Variants in CDCP2 observed in about 807,000 individuals in gnomAD.
CDCP2 encodes the protein CUB domain containing protein 2.
In CDCP2, 31 loss-of-function variants were observed where a neutral mutation model predicts 31.0. The observed-to-expected ratio is 1.00, with a 90% CI of 0.75 to 1.35. The LOEUF is 1.35. CDCP2 is among the 40% of genes most tolerant of loss of function. The probability of loss-of-function intolerance (pLI) is 0.00; values close to 1 mark genes in which losing one functional copy is unlikely to be tolerated. For synonymous variants in CDCP2, 206 were observed against 207.9 expected (o/e 0.99, Z 0.08); for missense variants, 443 against 482.6 (o/e 0.92, Z 0.77).
Position 54,140,025 on chromosome 1 carries a change from C to T in CDCP2, c.845G>A (p.Arg282His), listed in dbSNP as rs147725209. The T allele has an allele frequency of 8.0e-4, 1,291 of 1,613,824 alleles. 2 individuals are homozygous for T. The highest frequency in any genetic ancestry group is 2.3e-3 in the Middle Eastern group (14 of 6,060). Residue 282 changes from arginine to histidine, a missense_variant, in exon 4 of 6, where the codon CGC becomes CAC. Transcript: ENST00000530059. ...GGGCAGGCGGATGGTCCAGTGGCAG[C>T]GGATGTTGTTGGGGTAGGAGCTGGG...
In CDCP2 at chr1:54,139,645, T is replaced by TA. The variant is rs76608277; in HGVS notation, c.1117+107_1117+108insT. The TA allele has an allele frequency of 3.3e-6, 5 of 1,533,738 alleles. No homozygotes were observed. The East Asian group carries it at 6.9e-5, about 21-fold the overall frequency. ...AGAAGGAGCTGGAGAAGACCATTCA[T>TA]GGGGGGGGCAGGACAAACTGGTGGG... On this transcript the variant is annotated intron_variant, in intron 4 of 5. Transcript: ENST00000530059.
chr1:54,143,488 T>A (rs1315800759), intron 2 of CDCP2: 1 of 152,200 alleles, frequency 6.6e-6, no homozygotes, highest in Non-Finnish European at 1.5e-5. Flanking sequence ...GTATTCCTGT[T>A]TTTAAAAATG....
exon 4 of CDCP2, chr1:54,139,909 C>T (rs1659332554): frequency 6.2e-7 from 1 of 1,614,156 alleles, no homozygotes; most frequent in African/African-American, 1.3e-5. Context: ...CCATCGAAGG[C>T]CGCCAGATGG....
intron 2 of CDCP2, chr1:54,142,269 G>A (rs1659387925): frequency 6.6e-6 from 1 of 152,272 alleles, no homozygotes; most frequent in African/African-American, 2.4e-5. Context: ...CCTAATGGAT[G>A]AGGAAACCAA....
chr1:54,145,726 A>G (rs1344681731), intron 1 of CDCP2, among the ~76,000 whole-genome samples: 1 of 152,240 alleles, frequency 6.6e-6, no homozygotes, highest in Non-Finnish European at 1.5e-5. Flanking sequence ...AAGGAAACTA[A>G]TAAGAATAAT....
chr1:54,146,439 C>G (rs899199866), intron 1 of CDCP2, among the ~76,000 whole-genome samples: 1 of 151,758 alleles, frequency 6.6e-6, no homozygotes, highest in Non-Finnish European at 1.5e-5. Flanking sequence ...CTTGGCCTCC[C>G]GAAGTGCTGG....
chr1:54,139,720 C>T (rs756563107), intron 4 of CDCP2, 33 bp downstream of exon 4: 5 of 1,614,186 alleles, frequency 3.1e-6, no homozygotes, highest in Non-Finnish European at 4.2e-6. Flanking sequence ...TCCCCTTCGC[C>T]CTCAGTGGAC....
chr1:54,141,445 C>G lies in CDCP2; in HGVS notation c.428-12G>C, dbSNP rs769846152. On this transcript the variant is annotated splice_polypyrimidine_tract_variant and intron_variant, in intron 2 of 5. Transcript: ENST00000530059. ...GCCGCCACACACATCTGCAAGGGAG[C>G]CCACTTGAGCTGACCTTTCTTTCTC... 4 of 1,574,952 alleles carry G rather than the reference C, an allele frequency of 2.5e-6. No individual in the cohort carries two copies. The highest frequency in any genetic ancestry group is 3.4e-6 in the Non-Finnish European group (4 of 1,159,640).
rs1659194369 is a variant in CDCP2 at position 54,133,152 on chromosome 1, C to T, written c.1439G>A (p.Trp480Ter). The change falls in exon 6 of 6, where the codon TGG (tryptophan) becomes TAG (stop). Residue 480 changes from tryptophan to a stop codon, truncating the protein, a stop_gained. Coordinates refer to ENST00000530059, the Ensembl canonical transcript of CDCP2. LOFTEE classifies it high-confidence loss of function. The stretch of plus-strand genomic sequence containing the variant: ...CGCAGTGGCAGCATAGGGCCCCAGC[C>T]AGTGAGAGCCAGACAGCAGGTGGAC... 5 of 399,162 alleles carry T rather than the reference C, an allele frequency of 1.3e-5. No homozygotes were observed. Among genetic ancestry groups the T allele is most frequent in the Non-Finnish European group, 1.8e-5 (4 of 226,140 alleles). 24.7% of individuals were successfully genotyped at this position (399,162 alleles called of 1,614,324 possible). A position where few individuals can be genotyped will look rare whatever the true frequency, so the allele number is the denominator to read the frequency against.
rs541638967 is a variant in CDCP2 at position 54,139,794 on chromosome 1, C to T, written c.1076G>A (p.Arg359His). 30 of 1,614,196 alleles carry T rather than the reference C, an allele frequency of 1.9e-5. No homozygotes were observed. Among genetic ancestry groups the T allele is most frequent in the Middle Eastern group, 1.6e-4 (1 of 6,062 alleles). ...AGAGAAGCCCCTGCGGGTGGTGCTG[C>T]GGTCTGTGTGCAGCAGAAGCAGAAG... is the stretch of plus-strand genomic sequence containing the variant. Residue 359 changes from arginine (R) to histidine (H), a missense_variant, in exon 4 of 6, where the codon CGC becomes CAC. Arg to His is a conservative substitution (Grantham distance 29). Coordinates refer to ENST00000530059, the Ensembl canonical transcript of CDCP2.
chr1:54,152,811 C>T (rs373194385), intron 1 of CDCP2, 33 bp downstream of exon 1: 3 of 1,590,864 alleles, frequency 1.9e-6, no homozygotes, highest in East Asian at 2.3e-5. Flanking sequence ...CCTCCTTCCC[C>T]TCTCAGTTCA....
At chr1:54,139,848 G>A in exon 4 of CDCP2, 1 of 1,614,072 alleles carries the variant, frequency 6.2e-7, no homozygotes. Flanking sequence ...CACGGGTGGT[G>A]GCAGGTGGTG....
rs374903670 is a variant in CDCP2 at position 54,135,683 on chromosome 1, G to C, written c.1296+947C>G. 1.2e-4 allele frequency among the ~76,000 whole-genome samples: 19 copies of C among 152,268 alleles called. No homozygotes were observed. The East Asian group carries it at 3.7e-3, about 29-fold the overall frequency. ...GGAGACTTAGGGCATGGAATAGGGGGAGGGCAGAATACCTCGGCAGCCAGG... is the reference window on the plus strand; with the variant it reads ...GGAGACTTAGGGCATGGAATAGGGGCAGGGCAGAATACCTCGGCAGCCAGG... On this transcript the variant is annotated intron_variant, in intron 5 of 5. Transcript: ENST00000530059.
At chr1:54,133,433 C>T (rs1198829286) in intron 5 of CDCP2, 139 bp from the exon 6 acceptor site, 8 of 397,530 alleles carry the variant, frequency 2.0e-5, no homozygotes, top group Non-Finnish European at 3.1e-5. Flanking sequence ...CCTCAGTGAT[C>T]CCATCTGTAA....
At chr1:54,132,773 T>C (rs1296496535), downstream of CDCP2, 12 of 396,310 alleles carry the variant, frequency 3.0e-5, no homozygotes, top group Middle Eastern at 6.2e-4. Flanking sequence ...CTCTTATCCA[T>C]CTCTGCCCGC....
upstream of CDCP2, chr1:54,152,969 G>T: frequency 6.4e-7 from 1 of 1,570,792 alleles, no homozygotes; most frequent in African/African-American, 1.3e-5. Flanking sequence ...AGGTAGGCCA[G>T]GATCTCAGGG....
At chr1:54,147,008 A>T (rs992563413) in intron 1 of CDCP2, among the ~76,000 whole-genome samples, 8 of 132,712 alleles carry the variant, frequency 6.0e-5, no homozygotes, top group East Asian at 2.6e-4. Flanking sequence ...CTTAGCAGGT[A>T]GAGTTTGCAG....
chr1:54,140,418 T>A, intron 3 of CDCP2: 1 of 423,496 alleles, frequency 2.4e-6, no homozygotes, highest in Non-Finnish European at 4.4e-6. Context: ...GAGTTACCTC[T>A]GAACTCCCTG....
At chr1:54,141,516 T>A in intron 2 of CDCP2, 83 bp from the exon 3 acceptor site, 1 of 1,207,532 alleles carries the variant, frequency 8.3e-7, no homozygotes, top group Non-Finnish European at 1.2e-6. Flanking sequence ...CACTCCAACA[T>A]GCTGCCCCCA....
Sources: allele counts gnomAD v4.1 joint callset (sites outside exome capture counted in the v4.1 genomes callset), GRCh38; gene constraint gnomAD v4.1.1; transcripts MANE v1.5; gene names NCBI Gene and HGNC (gene_info 2026-07-23, HGNC 2026-07-21).